The following GOLGA5 variants were observed in gnomAD, a reference collection of about 807,000 sequenced individuals.
GOLGA5 encodes golgin A5.
In GOLGA5, 50 loss-of-function variants were observed where a neutral mutation model predicts 93.5. The observed-to-expected ratio is 0.53, with a 90% CI of 0.43 to 0.68. The LOEUF is 0.68. Among genes scored for constraint, GOLGA5 ranks in the 30% least tolerant of loss-of-function variants. The probability of loss-of-function intolerance (pLI) is 0.00; values close to 1 mark genes in which losing one functional copy is unlikely to be tolerated. For missense variants in GOLGA5, 760 were observed against 856.4 expected (o/e 0.89, Z 1.40); for synonymous variants, 312 against 304.5 (o/e 1.02, Z -0.26).
At chr14:92,805,518 T>C (rs921854830) in intron 2 of GOLGA5, among the ~76,000 whole-genome samples, 2 of 152,212 alleles carry the variant, frequency 1.3e-5, no homozygotes, top group African/African-American at 4.8e-5. Context: ...AGGAGTGGAA[T>C]TGCTGGGTGA....
chr14:92,824,713 CAGTA>C (rs1252984117), intron 9 of GOLGA5, 69 bp downstream of exon 9: 9 of 795,772 alleles, frequency 1.1e-5, no homozygotes, highest in Middle Eastern at 3.4e-4. Context: ...AAAAAGGACA[CAGTA>C]AGAACTTTCC....
At chr14:92,801,256 A>G (rs1337049481) in intron 2 of GOLGA5, among the ~76,000 whole-genome samples, 1 of 152,232 alleles carries the variant, frequency 6.6e-6, no homozygotes, top group Non-Finnish European at 1.5e-5. Context: ...AGGTTGTGCC[A>G]ATTTATACTC....
intron 2 of GOLGA5, among the ~76,000 whole-genome samples, chr14:92,798,864 C>T (rs142645279): frequency 0.066 from 10,094 of 152,186 alleles, 404 homozygotes; most frequent in Middle Eastern, 0.12. Flanking sequence ...TGCAGTGAGC[C>T]GAGATTGTAC....
At chr14:92,838,393 A>T (rs1204714177) in intron 12 of GOLGA5, among the ~76,000 whole-genome samples, 1 of 151,636 alleles carries the variant, frequency 6.6e-6, no homozygotes, top group African/African-American at 2.4e-5. Context: ...TCTGAGACTG[A>T]GTCTCGCTCT....
rs774843932 is a variant in GOLGA5 at position 92,816,358 on chromosome 14, G to C, written c.1428G>C (p.Glu476Asp). The C allele has an allele frequency of 3.7e-6, 6 of 1,613,922 alleles. No homozygotes were observed. The highest frequency in any genetic ancestry group is 2.2e-5 in the South Asian group (2 of 91,082). ...MELEELRHEK[E>D]MQREEIQKLM... ...TGGAAGAACTTCGGCATGAGAAAGA[G>C]ATGCAGAGGGAGGAAATACAGAAGC... is the stretch of plus-strand genomic sequence containing the variant. The change falls in exon 7 of 13, where the codon GAG becomes GAC. Residue 476 changes from glutamate to aspartate, a missense_variant. Glu to Asp is a conservative substitution (Grantham distance 45, BLOSUM62 2). Coordinates refer to ENST00000163416, the MANE Select transcript of GOLGA5 (RefSeq NM_005113.4).
At chr14:92,824,686 TA>T in intron 9 of GOLGA5, 42 bp downstream of exon 9, 1 of 995,026 alleles carries the variant, frequency 1.0e-6, no homozygotes, top group Non-Finnish European at 1.6e-6. Flanking sequence ...ATGCCACTGA[TA>T]AAGCTACATT....
In GOLGA5 at chr14:92,799,272, A is replaced by ATTTTTTTTTTTTTTT. The variant is rs1191305000; in HGVS notation, c.544+1292_544+1306dup. 7.2e-5 allele frequency among the ~76,000 whole-genome samples: 9 copies of ATTTTTTTTTTTTTTT among 124,194 alleles called. 1 individual carries two copies. Among genetic ancestry groups the ATTTTTTTTTTTTTTT allele is most frequent in the African/African-American group, 2.4e-4 (7 of 29,348 alleles). The allele number at this position is 124,194 out of a possible 152,430, so 81.5% of individuals were successfully genotyped here. A position where few individuals can be genotyped will look rare whatever the true frequency, so the allele number is the denominator to read the frequency against. ...GATCTACCGTGGCCTGGCCATAGGG[A>ATTTTTTTTTTTTTTT]TTTTTTTTTTTTTTTCTTTTTTGAG... On this transcript the variant is annotated intron_variant, in intron 2 of 12. Transcript: ENST00000163416.
In GOLGA5 at chr14:92,804,134, G is replaced by A. The variant is rs140683342; in HGVS notation, c.545-2602G>A. ...GCCTTTCATCTTTAATGTAACCAAGGCTATAAATTTCCTTCAGAATACTGC... is the reference window on the plus strand; with the variant it reads ...GCCTTTCATCTTTAATGTAACCAAGACTATAAATTTCCTTCAGAATACTGC... On this transcript the variant is annotated intron_variant, in intron 2 of 12. Coordinates refer to ENST00000163416, the MANE Select transcript of GOLGA5 (RefSeq NM_005113.4). Among the ~76,000 whole-genome samples the A allele has an allele frequency of 6.3e-3, 956 of 152,040 alleles. 14 individuals are homozygous for A. Among genetic ancestry groups the A allele is most frequent in the South Asian group, 0.062 (297 of 4,810 alleles).
chr14:92,828,468 A>C (rs893869856), intron 9 of GOLGA5, among the ~76,000 whole-genome samples: 1 of 152,354 alleles, frequency 6.6e-6, no homozygotes, highest in Admixed American at 6.5e-5. Flanking sequence ...GATTCCTTTT[A>C]AAATATTACT....
At chr14:92,817,305 A>G (rs1451659076) in intron 7 of GOLGA5, among the ~76,000 whole-genome samples, 1 of 152,212 alleles carries the variant, frequency 6.6e-6, no homozygotes, top group Non-Finnish European at 1.5e-5. Context: ...TTCATTCAAC[A>G]AATAGTTACC....
chr14:92,811,480 G>T, intron 5 of GOLGA5, 71 bp from the exon 6 acceptor site: 1 of 1,056,128 alleles, frequency 9.5e-7, no homozygotes, highest in Admixed American at 1.8e-5. Flanking sequence ...TAAGATATCC[G>T]AATGGATGGT....
Position 92,819,624 on chromosome 14 carries a change from T to C in GOLGA5, c.1492-84T>C, listed in dbSNP as rs141173640. ...CTCCAGCCTGGGTGACGTGAGACTC[T>C]GATTCTTAAAAAAGAAAAATTGCTC... On this transcript the variant is annotated intron_variant, in intron 7 of 12. Coordinates refer to ENST00000163416, the MANE Select transcript of GOLGA5 (RefSeq NM_005113.4). 8.4e-4 allele frequency: 1,152 copies of C among 1,372,086 alleles called. 6 individuals are homozygous for C. The African/African-American group carries it at 0.011, about 13-fold the overall frequency. 85.0% of individuals were successfully genotyped at this position (1,372,086 alleles called of 1,614,324 possible).
At chr14:92,805,141 G>T (rs1235613516) in intron 2 of GOLGA5, among the ~76,000 whole-genome samples, 1 of 152,116 alleles carries the variant, frequency 6.6e-6, no homozygotes, top group Non-Finnish European at 1.5e-5. Context: ...GCCCCAGAAA[G>T]TTCCTCATGT....
At chr14:92,817,227 C>T (rs1321245131) in intron 7 of GOLGA5, among the ~76,000 whole-genome samples, 1 of 152,220 alleles carries the variant, frequency 6.6e-6, no homozygotes, top group Non-Finnish European at 1.5e-5. Flanking sequence ...AGACGTGAGC[C>T]ACCATGCCCG....
intron 9 of GOLGA5, among the ~76,000 whole-genome samples, chr14:92,829,525 G>A (rs140726991): frequency 6.6e-6 from 1 of 152,282 alleles, no homozygotes; most frequent in East Asian, 1.9e-4. Flanking sequence ...GGTAGAAATA[G>A]CGAGAGAACT....
At chr14:92,801,681 A>G (rs972711451) in intron 2 of GOLGA5, among the ~76,000 whole-genome samples, 1 of 149,434 alleles carries the variant, frequency 6.7e-6, no homozygotes, top group African/African-American at 2.5e-5. Flanking sequence ...GATCATAAAG[A>G]TATTTTTCTG....
In GOLGA5 at chr14:92,797,904, CAA is replaced by C; in HGVS notation, c.468_469del (p.Ser157CysfsTer15). ...CCTGTCTTTCAGAGCTCTCAGACAT[CAA>C]GTGTCAGTTCTGTGAACCCCAGTGT... On this transcript the variant is annotated frameshift_variant, in exon 2 of 13. Coordinates refer to ENST00000163416, the MANE Select transcript of GOLGA5 (RefSeq NM_005113.4). LOFTEE classifies it high-confidence loss of function. 3 of 1,612,940 alleles carry C rather than the reference CAA, an allele frequency of 1.9e-6. No homozygotes were observed. The highest frequency in any genetic ancestry group is 2.5e-6 in the Non-Finnish European group (3 of 1,179,310).
intron 12 of GOLGA5, among the ~76,000 whole-genome samples, chr14:92,837,770 C>T (rs1172997797): frequency 6.6e-6 from 1 of 152,012 alleles, no homozygotes; most frequent in Non-Finnish European, 1.5e-5. Flanking sequence ...CACCATGTTG[C>T]CCAGGATAGT....
At chr14:92,822,544 T>C (rs1024937976) in intron 8 of GOLGA5, among the ~76,000 whole-genome samples, 5 of 152,240 alleles carry the variant, frequency 3.3e-5, no homozygotes, top group Non-Finnish European at 7.3e-5. Flanking sequence ...TTTAGAGGTA[T>C]TAGCCTTTTT....
Sources: gnomAD v4.1 joint callset for allele counts (sites outside exome capture counted in the v4.1 genomes callset) on GRCh38, gnomAD v4.1.1 for gene constraint, MANE v1.5 for transcripts, NCBI Gene and HGNC (gene_info 2026-07-23, HGNC 2026-07-21) for gene names.